The following TMEM238L variants were observed in gnomAD, a reference collection of about 807,000 sequenced individuals.
The protein encoded by TMEM238L is transmembrane protein 238-like.
intron 1 of TMEM238L, chr17:10,797,733 TCTC>T (rs1567609134): frequency 6.6e-6 from 1 of 152,002 alleles, no homozygotes; most frequent in East Asian, 1.9e-4. Flanking sequence ...GACAGGCCGT[TCTC>T]CACTCATGCA....
At chr17:10,799,275 G>A (rs1339195367) in intron 1 of TMEM238L, among the ~76,000 whole-genome samples, 1 of 152,238 alleles carries the variant, frequency 6.6e-6, no homozygotes, top group African/African-American at 2.4e-5. Flanking sequence ...TTGGCCCACT[G>A]CAATCTCCGC....
chr17:10,799,137 G>A (rs1481166545), intron 1 of TMEM238L, among the ~76,000 whole-genome samples: 3 of 152,200 alleles, frequency 2.0e-5, no homozygotes, highest in Non-Finnish European at 4.4e-5. Context: ...TGTCCTGACC[G>A]AGCATGGGAC....
chr17:10,803,551 C>T (rs2151524931), intron 1 of TMEM238L, 55 bp downstream of exon 1: 1 of 393,164 alleles, frequency 2.5e-6, no homozygotes, highest in Non-Finnish European at 4.5e-6. Flanking sequence ...GGTCTTGCCC[C>T]TGCTTGTCCA....
At chr17:10,803,447 G>A (rs1904807671) in intron 1 of TMEM238L, among the ~76,000 whole-genome samples, 159 bp downstream of exon 1, 1 of 152,158 alleles carries the variant, frequency 6.6e-6, no homozygotes, top group African/African-American at 2.4e-5. Flanking sequence ...CGTCCTCTTG[G>A]CTGGCCACCC....
chr17:10,795,379 G>A (rs1306768347), exon 2 of TMEM238L: 1 of 152,238 alleles, frequency 6.6e-6, no homozygotes, highest in African/African-American at 2.4e-5. Flanking sequence ...GGAGGAGAGA[G>A]TCCTCCCGCA....
At chr17:10,798,687 G>A (rs1904635527) in intron 1 of TMEM238L, among the ~76,000 whole-genome samples, 1 of 152,044 alleles carries the variant, frequency 6.6e-6, no homozygotes, top group South Asian at 2.1e-4. Context: ...GTGAGTGTGT[G>A]TTTCTGGATG....
At chr17:10,799,038 C>A (rs1904649393) in intron 1 of TMEM238L, among the ~76,000 whole-genome samples, 1 of 152,088 alleles carries the variant, frequency 6.6e-6, no homozygotes, top group African/African-American at 2.4e-5. Context: ...CTGGGGGTGC[C>A]TTTGAGGTTT....
At chr17:10,801,201 CCA>C (rs1190298436) in intron 1 of TMEM238L, among the ~76,000 whole-genome samples, 1 of 152,138 alleles carries the variant, frequency 6.6e-6, no homozygotes, top group African/African-American at 2.4e-5. Context: ...CAGGCGCCTG[CCA>C]CTGCGCCCGG....
intron 1 of TMEM238L, among the ~76,000 whole-genome samples, chr17:10,796,699 TA>T (rs1380299784): frequency 6.6e-6 from 1 of 152,244 alleles, no homozygotes; most frequent in Non-Finnish European, 1.5e-5. Context: ...TCACTCTTGA[TA>T]ATTGTCCTTC....
chr17:10,797,532 T>C (rs1904600671), intron 1 of TMEM238L, among the ~76,000 whole-genome samples: 1 of 152,100 alleles, frequency 6.6e-6, no homozygotes, highest in Non-Finnish European at 1.5e-5. Flanking sequence ...CTTCTGAGTT[T>C]AAAATCTGCA....
intron 1 of TMEM238L, among the ~76,000 whole-genome samples, chr17:10,800,947 A>G (rs1255052133): frequency 6.6e-6 from 1 of 152,166 alleles, no homozygotes; most frequent in African/African-American, 2.4e-5. Flanking sequence ...AATAATCATA[A>G]CCATAATAAC....
chr17:10,795,378 A>T (rs1370178543), exon 2 of TMEM238L: 1 of 152,246 alleles, frequency 6.6e-6, no homozygotes, highest in African/African-American at 2.4e-5. Context: ...AGGAGGAGAG[A>T]GTCCTCCCGC....
At chr17:10,801,608 C>T (rs2151523959) in intron 1 of TMEM238L, among the ~76,000 whole-genome samples, 1 of 152,296 alleles carries the variant, frequency 6.6e-6, no homozygotes, top group African/African-American at 2.4e-5. Flanking sequence ...CTTTCCCTGA[C>T]TCCATCTTCT....
At chr17:10,798,652 G>A (rs1904633643) in intron 1 of TMEM238L, among the ~76,000 whole-genome samples, 1 of 151,982 alleles carries the variant, frequency 6.6e-6, no homozygotes, top group Admixed American at 6.6e-5. Context: ...GTAGGTGTGA[G>A]TGTGTGGTGG....
At chr17:10,796,181 C>A (rs1222450103) in intron 1 of TMEM238L, among the ~76,000 whole-genome samples, 1 of 152,198 alleles carries the variant, frequency 6.6e-6, no homozygotes, top group Admixed American at 6.5e-5. Flanking sequence ...GAGTTGTAAG[C>A]ACTGAATGAG....
chr17:10,796,039 TG>T (rs2151520855), intron 1 of TMEM238L, 91 bp from the exon 2 acceptor site: 1 of 152,340 alleles, frequency 6.6e-6, no homozygotes, highest in East Asian at 1.9e-4. Context: ...GCATAGTCTT[TG>T]GAGTTGCCAG....
At chr17:10,799,942 T>C (rs1361237304) in intron 1 of TMEM238L, among the ~76,000 whole-genome samples, 1 of 151,778 alleles carries the variant, frequency 6.6e-6, no homozygotes, top group Non-Finnish European at 1.5e-5. Context: ...ATCTTTTTTT[T>C]TTTTTTTGAG....
At chr17:10,803,432 C>T (rs1453210308) in intron 1 of TMEM238L, among the ~76,000 whole-genome samples, 174 bp downstream of exon 1, 2 of 152,292 alleles carry the variant, frequency 1.3e-5, no homozygotes, top group East Asian at 3.9e-4. Context: ...AAAACACCTG[C>T]CCCACGTCCT....
chr17:10,798,731 TTGTG>T lies in TMEM238L; in HGVS notation c.*119-2787_*119-2784del, dbSNP rs752241725. On this transcript the variant is annotated intron_variant, in intron 1 of 1. Coordinates refer to ENST00000581851, the Ensembl canonical transcript of TMEM238L. ...AGGTGTGAGTGTGTGGGGGGCGTGT[TTGTG>T]TGTGCATGAACACGTGGAGTAGAAG... 5.9e-4 allele frequency among the ~76,000 whole-genome samples: 89 copies of T among 151,906 alleles called. 2 individuals carry two copies. Among genetic ancestry groups the T allele is most frequent in the Non-Finnish European group, 8.2e-4 (56 of 67,922 alleles).
Sources: allele counts gnomAD v4.1 joint callset (sites outside exome capture counted in the v4.1 genomes callset), GRCh38; gene constraint gnomAD v4.1.1; transcripts MANE v1.5; gene names NCBI Gene and HGNC (gene_info 2026-07-23, HGNC 2026-07-21).